The following CTNNA2 variants were observed in gnomAD, a reference collection of about 807,000 sequenced individuals.
CTNNA2 encodes catenin alpha-2.
In CTNNA2, 42 loss-of-function variants were observed where a neutral mutation model predicts 101.0. The observed-to-expected ratio is 0.42, with a 90% CI of 0.32 to 0.54. The LOEUF is 0.54. Among genes scored for constraint, CTNNA2 ranks in the 20% least tolerant of loss-of-function variants. CTNNA2 has a pLI of 0.14. For missense variants in CTNNA2, 871 were observed against 1,223.1 expected (o/e 0.71, Z 4.29); for synonymous variants, 450 against 456.4 (o/e 0.99, Z 0.18).
At chr2:80,148,876 A>T (rs1309910184) in intron 7 of CTNNA2, among the ~76,000 whole-genome samples, 1 of 151,902 alleles carries the variant, frequency 6.6e-6, no homozygotes, top group African/African-American at 2.4e-5. Context: ...CATCTTCTTT[A>T]TTGCTGCCTT....
chr2:79,410,881 G>A (rs1366640757), intron 4 of CTNNA2, among the ~76,000 whole-genome samples: 1 of 152,058 alleles, frequency 6.6e-6, no homozygotes, highest in African/African-American at 2.4e-5. Context: ...AATGGTACCA[G>A]TTCTTCCTTG....
At chr2:80,420,465 C>T (rs1680429577) in intron 9 of CTNNA2, among the ~76,000 whole-genome samples, 1 of 152,116 alleles carries the variant, frequency 6.6e-6, no homozygotes, top group Admixed American at 6.6e-5. Flanking sequence ...CTACCACCAC[C>T]ACCACCACCA....
intron 2 of CTNNA2, among the ~76,000 whole-genome samples, chr2:79,735,006 A>C (rs983660750): frequency 2.3e-4 from 35 of 152,276 alleles, no homozygotes; most frequent in African/African-American, 8.4e-4. Context: ...CACTTTTACC[A>C]GTGTCCATTA....
At chr2:79,974,397 A>G (rs1366181027) in intron 7 of CTNNA2, among the ~76,000 whole-genome samples, 2 of 152,118 alleles carry the variant, frequency 1.3e-5, no homozygotes, top group Admixed American at 1.3e-4. Context: ...TATTTCAGGC[A>G]CCATTTTCTG....
intron 4 of CTNNA2, among the ~76,000 whole-genome samples, chr2:79,387,199 G>C (rs1441648504): frequency 1.3e-5 from 2 of 152,182 alleles, no homozygotes; most frequent in African/African-American, 2.4e-5. Flanking sequence ...TATATGATAA[G>C]TCCAGCCACC....
intron 7 of CTNNA2, among the ~76,000 whole-genome samples, chr2:80,143,074 G>T (rs1558847743): frequency 6.6e-6 from 1 of 152,208 alleles, no homozygotes; most frequent in Non-Finnish European, 1.5e-5. Flanking sequence ...GCCCCATTAA[G>T]ATTAACTACC....
At chr2:80,062,994 C>T (rs987012019) in intron 7 of CTNNA2, among the ~76,000 whole-genome samples, 8 of 152,264 alleles carry the variant, frequency 5.3e-5, no homozygotes, top group South Asian at 4.1e-4. Flanking sequence ...CGTGAGCCAC[C>T]GCGCCCGGCC....
At chr2:79,842,660 A>G (rs1472974008) in intron 3 of CTNNA2, among the ~76,000 whole-genome samples, 1 of 152,064 alleles carries the variant, frequency 6.6e-6, no homozygotes, top group East Asian at 1.9e-4. Flanking sequence ...TGTGACCTTA[A>G]ACAAATTAAT....
chr2:80,644,282 A>C (rs1158248291), intron 18 of CTNNA2, among the ~76,000 whole-genome samples: 3 of 152,160 alleles, frequency 2.0e-5, no homozygotes, highest in Non-Finnish European at 4.4e-5. Context: ...TCACACAATT[A>C]AAAGGACTCA....
intron 3 of CTNNA2, among the ~76,000 whole-genome samples, chr2:79,774,288 T>G (rs544541123): frequency 6.6e-6 from 1 of 152,258 alleles, no homozygotes; most frequent in African/African-American, 2.4e-5. Context: ...CTGACAGCAG[T>G]GCTAATTGCT....
intron 2 of CTNNA2, among the ~76,000 whole-genome samples, chr2:79,312,335 C>T (rs1676393735): frequency 6.6e-6 from 1 of 152,164 alleles, no homozygotes; most frequent in African/African-American, 2.4e-5. Context: ...TGTCTTTTTG[C>T]TTACTTGTGA....
chr2:80,588,910 T>G (rs1051972995), intron 14 of CTNNA2, among the ~76,000 whole-genome samples: 2 of 152,192 alleles, frequency 1.3e-5, no homozygotes, highest in African/African-American at 4.8e-5. Context: ...TTTTCTTTTT[T>G]TCCCTTCTCT....
intron 2 of CTNNA2, among the ~76,000 whole-genome samples, chr2:79,209,703 C>A (rs1386450389): frequency 1.5e-5 from 1 of 65,040 alleles, no homozygotes; most frequent in Non-Finnish European, 2.8e-5. Context: ...TGAGACTGAG[C>A]CAATTAAAAG....
intron 9 of CTNNA2, among the ~76,000 whole-genome samples, chr2:80,477,371 AT>A (rs1685807464): frequency 6.6e-6 from 1 of 152,192 alleles, no homozygotes; most frequent in East Asian, 1.9e-4. Flanking sequence ...CTTTAAAAAA[AT>A]CAATAGATTT....
chr2:80,327,825 C>A (rs56115033), intron 7 of CTNNA2, among the ~76,000 whole-genome samples: 13,550 of 152,276 alleles, frequency 0.089, 802 homozygotes, highest in East Asian at 0.28. Flanking sequence ...TTAGATATAA[C>A]ATATGCCCAA....
At chr2:79,557,989 C>T (rs1212783545) in intron 1 of CTNNA2, among the ~76,000 whole-genome samples, 1 of 151,930 alleles carries the variant, frequency 6.6e-6, no homozygotes, top group Non-Finnish European at 1.5e-5. Context: ...CAGCATTGTA[C>T]AGAATCTCCA....
intron 7 of CTNNA2, among the ~76,000 whole-genome samples, chr2:80,188,701 A>G (rs1160571814): frequency 6.6e-6 from 1 of 152,168 alleles, no homozygotes; most frequent in Non-Finnish European, 1.5e-5. Flanking sequence ...TCCTGTTCAC[A>G]GCAGCTAGGA....
chr2:79,934,669 T>C (rs970717450), intron 7 of CTNNA2, among the ~76,000 whole-genome samples: 5 of 152,214 alleles, frequency 3.3e-5, no homozygotes, highest in Admixed American at 6.5e-5. Flanking sequence ...AGCTGTGTCC[T>C]TGCTCTGCAG....
intron 7 of CTNNA2, among the ~76,000 whole-genome samples, chr2:80,185,785 A>G (rs894318207): frequency 6.6e-6 from 1 of 152,182 alleles, no homozygotes; most frequent in African/African-American, 2.4e-5. Context: ...TGAGAGGTGC[A>G]TTGCCATTGG....
Sources: gnomAD v4.1 joint callset for allele counts (sites outside exome capture counted in the v4.1 genomes callset) on GRCh38, gnomAD v4.1.1 for gene constraint, MANE v1.5 for transcripts, NCBI Gene and HGNC (gene_info 2026-07-23, HGNC 2026-07-21) for gene names.